EDIL3: variants seen among roughly 807,000 people sequenced by gnomAD.
EDIL3 encodes the protein EGF like and discoidin domains 3.
In EDIL3, 37 loss-of-function variants were observed where a neutral mutation model predicts 67.4. That is an observed-to-expected ratio of 0.55 (90% CI 0.42 to 0.72). The LOEUF is 0.72. EDIL3 is among the 30% of genes least tolerant of loss of function. EDIL3 has a pLI of 0.00. For missense variants in EDIL3, 527 were observed against 586.3 expected (o/e 0.90, Z 1.04); for synonymous variants, 195 against 196.3 (o/e 0.99, Z 0.05).
intron 1 of EDIL3, among the ~76,000 whole-genome samples, chr5:84,375,708 A>C (rs867121077): frequency 6.6e-6 from 1 of 152,190 alleles, no homozygotes; most frequent in Non-Finnish European, 1.5e-5. Context: ...TAAATCAAAA[A>C]ATTGTGCTGA....
At chr5:84,049,007 G>T (rs1316597442) in intron 9 of EDIL3, among the ~76,000 whole-genome samples, 1 of 152,078 alleles carries the variant, frequency 6.6e-6, no homozygotes, top group Non-Finnish European at 1.5e-5. Context: ...TAATCTTTCT[G>T]TTGAAAGCCA....
At chr5:83,953,121 C>A (rs1053245069) in intron 10 of EDIL3, among the ~76,000 whole-genome samples, 3 of 151,786 alleles carry the variant, frequency 2.0e-5, no homozygotes, top group African/African-American at 7.3e-5. Flanking sequence ...TCCTGAGTAT[C>A]CTCAGTAGAC....
intron 1 of EDIL3, among the ~76,000 whole-genome samples, chr5:84,297,932 A>G (rs1324275759): frequency 6.6e-6 from 1 of 152,082 alleles, no homozygotes; most frequent in African/African-American, 2.4e-5. Flanking sequence ...CTGGGCTTAG[A>G]TTATGGTGCA....
intron 1 of EDIL3, among the ~76,000 whole-genome samples, chr5:84,268,492 C>T (rs1745395157): frequency 6.6e-6 from 1 of 152,094 alleles, no homozygotes. Flanking sequence ...ACATAGATAT[C>T]AATATATTTC....
intron 1 of EDIL3, among the ~76,000 whole-genome samples, chr5:84,279,101 G>A (rs1194363332): frequency 6.6e-6 from 1 of 152,068 alleles, no homozygotes; most frequent in African/African-American, 2.4e-5. Flanking sequence ...AATTCCTAGT[G>A]TACAATAGGT....
intron 4 of EDIL3, among the ~76,000 whole-genome samples, chr5:84,158,387 T>C (rs1295996276): frequency 1.3e-5 from 2 of 151,998 alleles, no homozygotes; most frequent in African/African-American, 4.8e-5. Flanking sequence ...CCACTAGCAA[T>C]ACACACACAA....
At chr5:84,197,926 A>C (rs1034657379) in intron 3 of EDIL3, among the ~76,000 whole-genome samples, 3 of 152,042 alleles carry the variant, frequency 2.0e-5, no homozygotes, top group Admixed American at 6.6e-5. Flanking sequence ...AGGATTAGCT[A>C]CTTGATGGAA....
chr5:84,112,886 G>T (rs72776509), intron 5 of EDIL3, among the ~76,000 whole-genome samples: 11,371 of 152,026 alleles, frequency 0.075, 514 homozygotes, highest in Middle Eastern at 0.13. Context: ...AATACAAATG[G>T]CAGGTAATAT....
Position 84,064,722 on chromosome 5 carries a change from T to C in EDIL3, c.930A>G (p.Glu310=). The change falls in exon 8 of 11, where the codon GAA becomes GAG. Residue 310 remains glutamate (E), a synonymous_variant. Coordinates refer to ENST00000296591, the MANE Select transcript of EDIL3 (RefSeq NM_005711.5). ...VCRRHCTLRM[E]LLGCELSGCS... ...TACCCGACAGTTCACAGCCAAGAAGTTCCATTCGCAAAGTGCAATGTCTTC... is the reference window on the plus strand; with the variant it reads ...TACCCGACAGTTCACAGCCAAGAAGCTCCATTCGCAAAGTGCAATGTCTTC... The C allele has an allele frequency of 6.2e-7, 1 of 1,613,076 alleles. No homozygotes were observed. The highest frequency in any genetic ancestry group is 8.5e-7 in the Non-Finnish European group (1 of 1,179,380).
chr5:84,302,199 T>C (rs1580065324), intron 1 of EDIL3, among the ~76,000 whole-genome samples: 1 of 152,308 alleles, frequency 6.6e-6, no homozygotes, highest in East Asian at 1.9e-4. Flanking sequence ...ATCAGCTCCA[T>C]GTTAATGTTT....
chr5:84,350,160 A>C (rs1747325944), intron 1 of EDIL3, among the ~76,000 whole-genome samples: 1 of 152,258 alleles, frequency 6.6e-6, no homozygotes, highest in South Asian at 2.1e-4. Context: ...TATGCTTTAC[A>C]TTTAGTTATT....
intron 4 of EDIL3, among the ~76,000 whole-genome samples, chr5:84,167,005 G>C (rs1748716685): frequency 6.6e-6 from 1 of 152,210 alleles, no homozygotes; most frequent in Admixed American, 6.5e-5. Context: ...GGTTATTTTT[G>C]TTCACTATAA....
intron 9 of EDIL3, among the ~76,000 whole-genome samples, chr5:84,027,042 T>C (rs956999486): frequency 6.6e-6 from 1 of 152,056 alleles, no homozygotes; most frequent in Non-Finnish European, 1.5e-5. Context: ...CTACAGTAAG[T>C]TGTGGTGGTG....
chr5:83,987,270 A>G (rs1223587558), intron 9 of EDIL3, among the ~76,000 whole-genome samples: 1 of 152,060 alleles, frequency 6.6e-6, no homozygotes, highest in Non-Finnish European at 1.5e-5. Context: ...CCTTGTTTCA[A>G]CCTCAAATAA....
chr5:84,039,105 T>C (rs188705240), intron 9 of EDIL3, among the ~76,000 whole-genome samples: 1 of 140,090 alleles, frequency 7.1e-6, no homozygotes, highest in Non-Finnish European at 1.5e-5. Context: ...TCCTAAAGAC[T>C]GTGTTTTTTT....
chr5:83,980,705 A>G (rs1561392482), intron 9 of EDIL3, among the ~76,000 whole-genome samples: 1 of 147,242 alleles, frequency 6.8e-6, no homozygotes, highest in Non-Finnish European at 1.5e-5. Context: ...ATATTTATAT[A>G]TAATAAATAC....
intron 9 of EDIL3, among the ~76,000 whole-genome samples, chr5:84,053,542 C>T (rs894761636): frequency 6.6e-6 from 1 of 151,970 alleles, no homozygotes; most frequent in African/African-American, 2.4e-5. Context: ...AAAAGATCAA[C>T]AAAATTGATA....
At chr5:84,322,436 A>C (rs903591157) in intron 1 of EDIL3, among the ~76,000 whole-genome samples, 4 of 152,140 alleles carry the variant, frequency 2.6e-5, no homozygotes, top group African/African-American at 9.6e-5. Flanking sequence ...GAAATGAAAA[A>C]TTCATTAGAA....
At chr5:84,069,675 C>T (rs1371533225) in intron 6 of EDIL3, among the ~76,000 whole-genome samples, 1 of 152,012 alleles carries the variant, frequency 6.6e-6, no homozygotes, top group Non-Finnish European at 1.5e-5. Context: ...ATAATCATAA[C>T]GATATGGGGT....
Sources: gnomAD v4.1 joint callset for allele counts (sites outside exome capture counted in the v4.1 genomes callset) on GRCh38, gnomAD v4.1.1 for gene constraint, MANE v1.5 for transcripts, NCBI Gene and HGNC (gene_info 2026-07-23, HGNC 2026-07-21) for gene names.